GPM6B: variants seen among roughly 807,000 people sequenced by gnomAD.
The protein encoded by GPM6B is glycoprotein M6B.
GPM6B carries 4 observed loss-of-function variants against 27.2 expected under a neutral mutation model. That is an observed-to-expected ratio of 0.15 (90% CI 0.07 to 0.34). The LOEUF is 0.34. GPM6B is among the 10% of genes least tolerant of loss of function. The pLI is 1.00. For synonymous variants in GPM6B, 124 were observed against 103.1 expected, an observed-to-expected ratio of 1.20 and a Z score of -1.23; for missense variants, 183 against 261.9, an observed-to-expected ratio of 0.70 and a Z score of 2.08.
chrX:13,865,542 C>CAAAAAAAAAAAAAA lies in GPM6B; in HGVS notation c.-198+72771_-198+72784dup, dbSNP rs1171503867. On this transcript the variant is annotated intron_variant, in intron 1 of 6. Coordinates refer to the GPM6B transcript ENST00000398361. ...ACCACACGGTAAAAATCCATCTCTTCAAAAAAAAAAAAAAAAAAAAGAAAG... is the reference window on the plus strand; with the variant it reads ...ACCACACGGTAAAAATCCATCTCTTCAAAAAAAAAAAAAAAAAAAAAAAAAAAAAAAAAAGAAAG... 7.5e-4 allele frequency among the ~76,000 whole-genome samples: 11 copies of CAAAAAAAAAAAAAA among 14,620 alleles called. 1 individual carries two copies. The highest frequency in any genetic ancestry group is 2.2e-3 in the Admixed American group (2 of 905). 12.7% of individuals were successfully genotyped at this position (14,620 alleles called of 115,157 possible).
intron 1 of GPM6B, among the ~76,000 whole-genome samples, chrX:13,830,585 G>A (rs1053317657): frequency 3.1e-4 from 35 of 111,998 alleles, no homozygotes; most frequent in African/African-American, 7.5e-4. Flanking sequence ...GTTCTAGTTC[G>A]TATAAAATAC....
chrX:13,797,095 A>T (rs2048829980), intron 2 of GPM6B, among the ~76,000 whole-genome samples: 1 of 112,247 alleles, frequency 8.9e-6, no homozygotes, highest in Admixed American at 9.4e-5. Context: ...CTTTAGCAGC[A>T]ATCAGTTTCC....
chrX:13,809,443 G>C (rs1023806079), intron 1 of GPM6B, among the ~76,000 whole-genome samples: 9 of 111,257 alleles, frequency 8.1e-5, no homozygotes, highest in Non-Finnish European at 1.7e-4. Context: ...GTTATCTCAG[G>C]CTTCTTAAAA....
chrX:13,870,791 A>T (rs2049967150), intron 1 of GPM6B, among the ~76,000 whole-genome samples: 1 of 112,192 alleles, frequency 8.9e-6, no homozygotes, highest in Admixed American at 9.5e-5. Flanking sequence ...ATTATCTAGA[A>T]CAGCCCTTTG....
At chrX:13,783,230 G>A in intron 4 of GPM6B, 135 bp downstream of exon 4, 1 of 477,762 alleles carries the variant, frequency 2.1e-6, no homozygotes, top group East Asian at 3.8e-5. Context: ...ACTCTAAATT[G>A]GTAAAGCCAA....
intron 1 of GPM6B, among the ~76,000 whole-genome samples, chrX:13,865,585 G>GAAAAA (rs1443329487): frequency 4.0e-4 from 21 of 52,245 alleles, no homozygotes; most frequent in African/African-American, 1.2e-3. Context: ...GAAAAGAAAA[G>GAAAAA]AAAAAAAAAA....
chrX:13,776,796 C>T (rs2048421042), intron 6 of GPM6B, among the ~76,000 whole-genome samples: 1 of 112,110 alleles, frequency 8.9e-6, no homozygotes, highest in South Asian at 3.7e-4. Flanking sequence ...TGTTCTAGGG[C>T]TGAGACAATT....
At chrX:13,824,188 G>A (rs745545426) in intron 1 of GPM6B, among the ~76,000 whole-genome samples, 3 of 111,948 alleles carry the variant, frequency 2.7e-5, no homozygotes, top group Admixed American at 9.4e-5. Context: ...GCACCACCCC[G>A]GTTCTGATGA....
At position 13,771,801 on chromosome X, in the gene GPM6B, T is replaced by A. The variant is rs2048303486; in HGVS notation, c.*1080A>T. On this transcript the variant is annotated 3_prime_UTR_variant, in exon 8 of 8. Coordinates refer to ENST00000316715, the MANE Select transcript of GPM6B (RefSeq NM_001001995.3). ...CAGTTCTCTTGCTGAACATCAAACT[T>A]TATTATTCCAGGAAACTAAGATTTA... 8.9e-6 allele frequency: 1 copy of A among 112,276 alleles called. No individual in the cohort carries two copies. Among genetic ancestry groups the A allele is most frequent in the Admixed American group, 9.5e-5 (1 of 10,554 alleles). The allele number at this position is 112,276 out of a possible 1,213,427, so 9.3% of individuals were successfully genotyped here. A position where few individuals can be genotyped will look rare whatever the true frequency, so the allele number is the denominator to read the frequency against.
intron 3 of GPM6B, among the ~76,000 whole-genome samples, chrX:13,784,164 G>A (rs1280955572): frequency 1.8e-5 from 2 of 112,950 alleles, no homozygotes; most frequent in Admixed American, 1.9e-4. Context: ...GCCTTCGGCT[G>A]CCCACTGGAA....
intron 2 of GPM6B, among the ~76,000 whole-genome samples, chrX:13,789,729 TGCA>T (rs1284960176): frequency 9.0e-6 from 1 of 111,030 alleles, no homozygotes; most frequent in Non-Finnish European, 1.9e-5. Flanking sequence ...GAGCCGAGAT[TGCA>T]CCACTGCACT....
At chrX:13,838,133 G>GAAAAAAAAAA (rs59126207) in intron 1 of GPM6B, among the ~76,000 whole-genome samples, 13 of 89,379 alleles carry the variant, frequency 1.5e-4, no homozygotes, top group Admixed American at 1.2e-4. Context: ...GGAAAAAAAA[G>GAAAAAAAAAA]AAAAAAAAAA....
rs2048547896 is a variant in GPM6B at position 13,783,090 on chromosome X, G to C, written c.525+275C>G. Among the ~76,000 whole-genome samples the C allele has an allele frequency of 3.6e-5, 4 of 112,402 alleles. No homozygotes were observed. In the South Asian group the frequency reaches 1.5e-3, roughly 41 times the overall value. On this transcript the variant is annotated intron_variant, in intron 4 of 7. Coordinates refer to ENST00000316715, the MANE Select transcript of GPM6B (RefSeq NM_001001995.3). ...CATGAAAGTTACCTCCTTCTATAGT[G>C]GGAACTTGGCATTTGAAAAATCTTC... is the stretch of plus-strand genomic sequence containing the variant.
In GPM6B at chrX:13,895,155, T is replaced by C. The variant is rs1289313382; in HGVS notation, c.-198+43172A>G. Among the ~76,000 whole-genome samples, 6 of 111,810 alleles carry C rather than the reference T, an allele frequency of 5.4e-5. No individual in the cohort carries two copies. In the South Asian group the frequency reaches 1.9e-3, roughly 35 times the overall value. On this transcript the variant is annotated intron_variant, in intron 1 of 6. Coordinates refer to the GPM6B transcript ENST00000398361. ...TTTGTAGCTTCTAAATATATCCACA[T>C]AATCACAACAGCCCAGGGGGACCAT...
At chrX:13,822,404 T>C (rs956164289) in intron 1 of GPM6B, among the ~76,000 whole-genome samples, 48 of 110,989 alleles carry the variant, frequency 4.3e-4, no homozygotes, top group South Asian at 7.7e-4. Flanking sequence ...CTCGCGCTGT[T>C]GCCCAGGCTG....
At chrX:13,915,809 T>C (rs1180392432) in intron 1 of GPM6B, among the ~76,000 whole-genome samples, 2 of 112,640 alleles carry the variant, frequency 1.8e-5, no homozygotes, top group Admixed American at 9.4e-5. Flanking sequence ...AATAGGTATG[T>C]ATGTACATGT....
chrX:13,837,718 G>C (rs1395223704), intron 1 of GPM6B, among the ~76,000 whole-genome samples: 4 of 86,306 alleles, frequency 4.6e-5, no homozygotes, highest in South Asian at 6.7e-4. Flanking sequence ...GGTGGGGGGG[G>C]GGGGGGGGGG....
At chrX:13,791,723 T>G (rs1353711546) in intron 2 of GPM6B, among the ~76,000 whole-genome samples, 1 of 111,809 alleles carries the variant, frequency 8.9e-6, no homozygotes, top group Non-Finnish European at 1.9e-5. Context: ...CCTTTTGTCC[T>G]CAGGCTTGTG....
rs2048433996 is a variant in GPM6B at position 13,777,380 on chromosome X, G to A, written c.743C>T (p.Ala248Val). Residue 248 changes from alanine to valine, a missense_variant, in exon 6 of 8, where the codon GCC becomes GTC. Ala to Val is a moderately conservative substitution (Grantham distance 64, BLOSUM62 0). Coordinates refer to ENST00000316715, the MANE Select transcript of GPM6B (RefSeq NM_001001995.3). Reference protein sequence around the residue: ...NAFPGKICGSALENICNTNEF... With the variant: ...NAFPGKICGSVLENICNTNEF... ...GTTTGTGTTGCAGATGTTCTCCAGG[G>A]CAGAGCCACATATTTTTCCGGGGAA... is the stretch of plus-strand genomic sequence containing the variant. 8.3e-7 allele frequency: 1 copy of A among 1,205,628 alleles called. No individual in the cohort carries two copies. The highest frequency in any genetic ancestry group is 1.1e-6 in the Non-Finnish European group (1 of 889,886).
Sources: allele counts gnomAD v4.1 joint callset (sites outside exome capture counted in the v4.1 genomes callset), GRCh38; gene constraint gnomAD v4.1.1; transcripts MANE v1.5; gene names NCBI Gene and HGNC (gene_info 2026-07-23, HGNC 2026-07-21).